FN3K: variants seen among roughly 807,000 people sequenced by gnomAD.
FN3K encodes fructosamine 3 kinase, also known as fructosamine-3-kinase.
FN3K carries 24 observed loss-of-function variants against 24.8 expected under a neutral mutation model. The ratio of observed to expected loss-of-function variants is 0.97; its 90% CI spans 0.70 to 1.36. The LOEUF (loss-of-function observed/expected upper bound fraction) is 1.36. Ranked by LOEUF, FN3K falls within the 40% of genes most tolerant of loss-of-function variation. The probability of loss-of-function intolerance (pLI) is 0.00; values close to 1 mark genes in which losing one functional copy is unlikely to be tolerated. For missense variants in FN3K, 449 were observed against 416.7 expected (o/e 1.08, Z -0.67); for synonymous variants, 192 against 175.2 (o/e 1.10, Z -0.76).
chr17:82,742,402 C>T (rs963201814), intron 4 of FN3K, among the ~76,000 whole-genome samples: 3 of 152,172 alleles, frequency 2.0e-5, no homozygotes, highest in Admixed American at 2.0e-4. Context: ...TCCCCCTTTC[C>T]TGGTCCCTGG....
rs1361834070 is a variant in FN3K at position 82,738,585 on chromosome 17, C to G, written c.238C>G (p.Pro80Ala). The change falls in exon 2 of 6, where the codon CCG (proline) becomes GCG (alanine). Residue 80 changes from proline to alanine, a missense_variant. Coordinates refer to ENST00000300784, the MANE Select transcript of FN3K (RefSeq NM_022158.4). ...VPRPMKVIDL[P>A]GGGAAFVMEH... ...GAGGCCCATGAAGGTCATCGACCTG[C>G]CGGGAGGTGGGGCCGCCTTTGTGAT... 1.9e-6 allele frequency: 3 copies of G among 1,613,884 alleles called. No homozygotes were observed. Among genetic ancestry groups the G allele is most frequent in the Non-Finnish European group, 2.5e-6 (3 of 1,179,998 alleles).
Position 82,750,551 on chromosome 17 carries a change from C to T in FN3K, c.726C>T (p.Ser242=), listed in dbSNP as rs2047006595. Residue 242 remains serine (S), a synonymous_variant, in exon 6 of 6, where the codon TCC becomes TCT. Transcript: ENST00000300784. The part of the protein sequence containing the change: ...IYDPASFYGH[S]EFELAIALMF... The stretch of plus-strand genomic sequence containing the variant: ...ACCCGGCTTCCTTCTATGGCCATTC[C>T]GAGTTTGAACTGGCAATCGCCTTGA... The T allele has an allele frequency of 6.2e-7, 1 of 1,614,158 alleles. No homozygotes were observed. Among genetic ancestry groups the T allele is most frequent in the Non-Finnish European group, 8.5e-7 (1 of 1,180,026 alleles).
intron 2 of FN3K, among the ~76,000 whole-genome samples, chr17:82,739,316 T>C (rs528907991): frequency 1.7e-4 from 26 of 152,022 alleles, no homozygotes; most frequent in African/African-American, 6.3e-4. Flanking sequence ...CAAGACAGAG[T>C]CTTGCTCTGT....
chr17:82,742,621 T>A lies in FN3K; in HGVS notation c.468+1228T>A, dbSNP rs1322872137. Reference sequence around the variant, plus strand: ...ACACGTTTCTTTACATATTCCTTTTTATGGCTGAATAATACTGGAGCCTCT... The same window carrying A: ...ACACGTTTCTTTACATATTCCTTTTAATGGCTGAATAATACTGGAGCCTCT... On this transcript the variant is annotated intron_variant, in intron 4 of 5. Transcript: ENST00000300784. 9.1e-6 allele frequency: 4 copies of A among 439,110 alleles called. No individual in the cohort carries two copies. In the East Asian group the frequency reaches 2.8e-4, roughly 31 times the overall value. The allele number at this position is 439,110 out of a possible 1,614,324, so 27.2% of individuals were successfully genotyped here.
Position 82,750,592 on chromosome 17 carries a change from C to A in FN3K, c.767C>A (p.Pro256His). Residue 256 changes from proline to histidine, a missense_variant, in exon 6 of 6, where the codon CCC becomes CAC. Coordinates refer to ENST00000300784, the MANE Select transcript of FN3K (RefSeq NM_022158.4). ...LAIALMFGGF[P>H]RSFFTAYHRK... ...ATCGCCTTGATGTTTGGGGGGTTCCCCAGATCCTTCTTCACCGCCTACCAC... is the reference window on the plus strand; with the variant it reads ...ATCGCCTTGATGTTTGGGGGGTTCCACAGATCCTTCTTCACCGCCTACCAC... The A allele has an allele frequency of 2.5e-6, 4 of 1,614,132 alleles. No homozygotes were observed. The highest frequency in any genetic ancestry group is 2.5e-6 in the Non-Finnish European group (3 of 1,180,028).
chr17:82,747,357 T>C (rs2046974072), intron 4 of FN3K, among the ~76,000 whole-genome samples: 1 of 152,210 alleles, frequency 6.6e-6, no homozygotes, highest in South Asian at 2.1e-4. Flanking sequence ...CTGTGTTTAG[T>C]TTTAAAATAT....
intron 2 of FN3K, among the ~76,000 whole-genome samples, chr17:82,738,931 T>C (rs949747495): frequency 6.5e-5 from 6 of 91,748 alleles, no homozygotes; most frequent in South Asian, 4.4e-4. Context: ...TACACATATA[T>C]ATATATATAT....
At chr17:82,747,485 C>T (rs1161395348) in intron 4 of FN3K, among the ~76,000 whole-genome samples, 1 of 152,186 alleles carries the variant, frequency 6.6e-6, no homozygotes, top group African/African-American at 2.4e-5. Flanking sequence ...ACTGCAACCT[C>T]TGCCTCTTGG....
In FN3K at chr17:82,741,389, C is replaced by T. The variant is rs751416640; in HGVS notation, c.464C>T (p.Pro155Leu). 9.9e-6 allele frequency: 16 copies of T among 1,612,822 alleles called. No homozygotes were observed. The highest frequency in any genetic ancestry group is 5.3e-5 in the African/African-American group (4 of 74,884). Residue 155 changes from proline to leucine, a missense_variant, in exon 4 of 6, where the codon CCG (proline) becomes CTG (leucine). By Grantham distance (98) the Pro-to-Leu change is moderately conservative. Coordinates refer to ENST00000300784, the MANE Select transcript of FN3K (RefSeq NM_022158.4). ...ACGGTGACGTGCTGCGGCTTCATCC[C>T]GCAGGTGAGTGCCTGGGTGAGGGTG... Reference protein sequence around the residue: ...FHTVTCCGFIPQVNEWQDDWP... With the variant: ...FHTVTCCGFILQVNEWQDDWP...
intron 1 of FN3K, chr17:82,736,399 G>T (rs2046901645): frequency 6.6e-6 from 1 of 152,414 alleles, no homozygotes; most frequent in African/African-American, 2.4e-5. Flanking sequence ...AGCCGGATGT[G>T]GTGCCACTGG....
intron 4 of FN3K, among the ~76,000 whole-genome samples, chr17:82,742,074 AT>A (rs2046944264): frequency 1.3e-5 from 2 of 151,954 alleles, no homozygotes; most frequent in South Asian, 2.1e-4. Flanking sequence ...CACCCGGCTA[AT>A]TTTTGTATTT....
intron 3 of FN3K, 112 bp from the exon 4 acceptor site, chr17:82,741,199 G>A: frequency 1.1e-6 from 1 of 935,922 alleles, no homozygotes; most frequent in South Asian, 1.4e-5. Flanking sequence ...TACATCCTCA[G>A]ACCACCTATA....
At chr17:82,747,660 A>G (rs1264182872) in intron 4 of FN3K, among the ~76,000 whole-genome samples, 1 of 152,194 alleles carries the variant, frequency 6.6e-6, no homozygotes, top group African/African-American at 2.4e-5. Flanking sequence ...CGGCCTCCCA[A>G]AGTGTTGGGA....
At chr17:82,744,653 GC>G (rs1350285739) in intron 4 of FN3K, among the ~76,000 whole-genome samples, 2 of 152,054 alleles carry the variant, frequency 1.3e-5, no homozygotes, top group East Asian at 3.9e-4. Context: ...CAGGGAACTA[GC>G]GTTCAGCATA....
intron 4 of FN3K, chr17:82,745,228 G>C (rs1480862615): frequency 1.6e-5 from 3 of 185,212 alleles, no homozygotes; most frequent in African/African-American, 7.2e-5. Context: ...CTGGGTACTT[G>C]AGATTAGGGA....
chr17:82,743,763 T>C (rs1267815624), intron 4 of FN3K, among the ~76,000 whole-genome samples: 5 of 152,346 alleles, frequency 3.3e-5, no homozygotes, highest in African/African-American at 4.8e-5. Flanking sequence ...CCTGGGTCCA[T>C]GGAGCTTGTC....
At position 82,751,040 on chromosome 17, in the gene FN3K, C is replaced by G; in HGVS notation, c.*285C>G. Reference sequence around the variant, plus strand: ...CGTCCCCGTCCCCCCTGCCCCGTCCCCGTCTCCGTTCCCCCGTCCCCATCC... The same window carrying G: ...CGTCCCCGTCCCCCCTGCCCCGTCCGCGTCTCCGTTCCCCCGTCCCCATCC... On this transcript the variant is annotated 3_prime_UTR_variant, in exon 6 of 6. Coordinates refer to ENST00000300784, the MANE Select transcript of FN3K (RefSeq NM_022158.4). 1 of 95,532 alleles carries G rather than the reference C, an allele frequency of 1.0e-5. No homozygotes were observed. The highest frequency in any genetic ancestry group is 6.9e-5 in the South Asian group (1 of 14,448). The allele number at this position is 95,532 out of a possible 1,614,324, so 5.9% of individuals were successfully genotyped here.
At chr17:82,741,116 C>G in intron 3 of FN3K, 195 bp from the exon 4 acceptor site, 1 of 685,456 alleles carries the variant, frequency 1.5e-6, no homozygotes, top group South Asian at 1.6e-5. Context: ...TATACCCAGC[C>G]CTGCTGTCTA....
Position 82,735,661 on chromosome 17 carries a change from C to T in FN3K, c.25C>T (p.Leu9=), listed in dbSNP as rs1352045554. Residue 9 remains leucine, a synonymous_variant, in exon 1 of 6, where the codon CTG becomes TTG. Transcript: ENST00000300784. The part of the protein sequence containing the change: MEQLLRAE[L]RTATLRAFGG... Reference sequence around the variant, plus strand: ...CATGGAGCAGCTGCTGCGCGCCGAGCTGCGCACCGCGACCCTGCGGGCCTT... The same window carrying T: ...CATGGAGCAGCTGCTGCGCGCCGAGTTGCGCACCGCGACCCTGCGGGCCTT... The T allele has an allele frequency of 1.3e-6, 2 of 1,538,150 alleles. No individual in the cohort carries two copies.
Sources: gnomAD v4.1 joint callset for allele counts (sites outside exome capture counted in the v4.1 genomes callset) on GRCh38, gnomAD v4.1.1 for gene constraint, MANE v1.5 for transcripts, NCBI Gene and HGNC (gene_info 2026-07-23, HGNC 2026-07-21) for gene names.